The following DISC1 variants were observed in gnomAD, a reference collection of about 807,000 sequenced individuals.
DISC1 encodes the protein DISC1 scaffold protein.
In DISC1, 57 loss-of-function variants were observed where a neutral mutation model predicts 84.5. The observed-to-expected ratio is 0.67, with a 90% CI of 0.55 to 0.84. DISC1 has a LOEUF of 0.84. DISC1 is among the 40% of genes least tolerant of loss of function. DISC1 has a pLI of 0.00. For synonymous variants in DISC1, 411 were observed against 415.2 expected, an observed-to-expected ratio of 0.99 and a Z score of 0.12; for missense variants, 1,000 against 1,057.8, an observed-to-expected ratio of 0.95 and a Z score of 0.76.
At chr1:231,889,657 C>T (rs1456934361) in intron 9 of DISC1, among the ~76,000 whole-genome samples, 1 of 152,134 alleles carries the variant, frequency 6.6e-6, no homozygotes, top group Non-Finnish European at 1.5e-5. Flanking sequence ...GAAGTGATCC[C>T]ACTGGATCTC....
chr1:231,908,935 G>A (rs934285577), intron 9 of DISC1, among the ~76,000 whole-genome samples: 15 of 152,142 alleles, frequency 9.9e-5, no homozygotes, highest in African/African-American at 3.4e-4. Context: ...TGTAGCAATT[G>A]TGAATGGGAG....
At chr1:231,662,114 C>T (rs1432279020) in intron 1 of DISC1, among the ~76,000 whole-genome samples, 1 of 152,162 alleles carries the variant, frequency 6.6e-6, no homozygotes, top group East Asian at 1.9e-4. Context: ...GCTGCCAGCT[C>T]CTTCCTGTGG....
At chr1:231,886,808 TTTCTTTCTTTCTTTCTTTCTTTCTTTCC>T in intron 9 of DISC1, among the ~76,000 whole-genome samples, 1 of 144,402 alleles carries the variant, frequency 6.9e-6, no homozygotes, top group Non-Finnish European at 1.5e-5. Context: ...TCTTTCTTTC[TTTCTTTCTTTCTTTCTTTCTTTCTTTCC>T]TTCTTTCTTT....
At chr1:231,699,559 G>A (rs1025082089) in intron 2 of DISC1, among the ~76,000 whole-genome samples, 3 of 152,030 alleles carry the variant, frequency 2.0e-5, no homozygotes, top group Non-Finnish European at 4.4e-5. Context: ...GAATATAACC[G>A]GAATCAGATC....
At chr1:231,723,408 A>G (rs1253936097) in intron 3 of DISC1, 2 of 985,594 alleles carry the variant, frequency 2.0e-6, no homozygotes, top group African/African-American at 3.5e-5. Flanking sequence ...TGCTTCCAGA[A>G]TTATTGCTGT....
chr1:231,686,564 G>A (rs565808815), intron 1 of DISC1, among the ~76,000 whole-genome samples: 55 of 152,214 alleles, frequency 3.6e-4, no homozygotes, highest in Non-Finnish European at 5.3e-4. Context: ...CCCTGGGCCC[G>A]GCCCACAAAA....
intron 9 of DISC1, among the ~76,000 whole-genome samples, chr1:231,919,512 T>C (rs2089866997): frequency 6.6e-6 from 1 of 152,238 alleles, no homozygotes; most frequent in African/African-American, 2.4e-5. Context: ...AGTGTATGTC[T>C]TTCTGGCCCG....
At chr1:232,024,767 A>AT (rs1029087117) in intron 11 of DISC1, among the ~76,000 whole-genome samples, 1 of 146,292 alleles carries the variant, frequency 6.8e-6, no homozygotes, top group African/African-American at 2.6e-5. Context: ...TAATTTTTGT[A>AT]TTTTTTTAGA....
At chr1:231,824,748 C>T (rs1310065084) in intron 9 of DISC1, among the ~76,000 whole-genome samples, 4 of 152,134 alleles carry the variant, frequency 2.6e-5, no homozygotes, top group Non-Finnish European at 5.9e-5. Flanking sequence ...TGCATAGCAC[C>T]TGATATATAT....
intron 6 of DISC1, among the ~76,000 whole-genome samples, chr1:231,780,046 A>T (rs982088058): frequency 6.6e-6 from 1 of 151,874 alleles, no homozygotes; most frequent in Non-Finnish European, 1.5e-5. Context: ...ATGAGGTCAC[A>T]TGGACACAGG....
At chr1:231,702,110 A>G in intron 3 of DISC1, 86 bp downstream of exon 3, 1 of 1,523,136 alleles carries the variant, frequency 6.6e-7, no homozygotes, top group Non-Finnish European at 8.8e-7. Context: ...TTTGAATCCC[A>G]AAAGAATTGT....
chr1:231,940,526 C>T (rs1329728587), intron 9 of DISC1, among the ~76,000 whole-genome samples: 4 of 152,162 alleles, frequency 2.6e-5, no homozygotes, highest in Admixed American at 2.6e-4. Context: ...TCTTATGCTT[C>T]CCGACATTCA....
intron 12 of DISC1, among the ~76,000 whole-genome samples, chr1:232,032,309 T>A (rs1030626921): frequency 1.3e-5 from 2 of 152,184 alleles, no homozygotes; most frequent in Non-Finnish European, 2.9e-5. Flanking sequence ...AGTAAAACAC[T>A]CAATTGTTTT....
chr1:231,642,132 A>G (rs979456356), intron 1 of DISC1, among the ~76,000 whole-genome samples: 2 of 152,192 alleles, frequency 1.3e-5, no homozygotes, highest in Non-Finnish European at 2.9e-5. Flanking sequence ...AATTGAACAC[A>G]GCAGCTGCTG....
chr1:231,909,590 T>C (rs978044809), intron 9 of DISC1, among the ~76,000 whole-genome samples: 2 of 152,216 alleles, frequency 1.3e-5, no homozygotes, highest in Non-Finnish European at 2.9e-5. Context: ...TTATTGAGGA[T>C]ATTTTTGTCG....
At chr1:231,804,180 G>A (rs1051753811) in intron 8 of DISC1, among the ~76,000 whole-genome samples, 1 of 152,086 alleles carries the variant, frequency 6.6e-6, no homozygotes, top group Admixed American at 6.6e-5. Flanking sequence ...TATTGGTCCA[G>A]CATTCCTGGT....
chr1:231,634,836 A>C (rs2059056465), intron 1 of DISC1, among the ~76,000 whole-genome samples: 1 of 151,948 alleles, frequency 6.6e-6, no homozygotes, highest in Non-Finnish European at 1.5e-5. Context: ...GCTTGAGGCC[A>C]GGAGTTCAAG....
chr1:231,843,587 G>A (rs765922233), intron 9 of DISC1, among the ~76,000 whole-genome samples: 13 of 152,228 alleles, frequency 8.5e-5, no homozygotes, highest in Non-Finnish European at 1.6e-4. Context: ...GAGAGCAGCT[G>A]TGAGAACGAA....
intron 9 of DISC1, among the ~76,000 whole-genome samples, chr1:231,823,778 A>T (rs915666683): frequency 3.9e-5 from 6 of 152,184 alleles, no homozygotes; most frequent in African/African-American, 1.4e-4. Flanking sequence ...GTTGTGACCA[A>T]CTACCTCTAG....
Sources: gnomAD v4.1 joint callset for allele counts (sites outside exome capture counted in the v4.1 genomes callset) on GRCh38, gnomAD v4.1.1 for gene constraint, MANE v1.5 for transcripts, NCBI Gene and HGNC (gene_info 2026-07-23, HGNC 2026-07-21) for gene names.